PDZD8: variants seen among roughly 807,000 people sequenced by gnomAD.
PDZD8 encodes PDZ domain containing 8.
Under a neutral mutation model 85.8 loss-of-function variants are expected in PDZD8, and 14 were observed. The ratio of observed to expected loss-of-function variants is 0.16; its 90% CI spans 0.11 to 0.26. The LOEUF is 0.26. Ranked by LOEUF, PDZD8 falls within the 10% of genes least tolerant of loss-of-function variation. The probability of loss-of-function intolerance (pLI) is 1.00; values close to 1 mark genes in which losing one functional copy is unlikely to be tolerated. For synonymous variants in PDZD8, 592 were observed against 568.6 expected, an observed-to-expected ratio of 1.04 and a Z score of -0.59; for missense variants, 1,197 against 1,424.3, an observed-to-expected ratio of 0.84 and a Z score of 2.57.
chr10:117,327,642 G>A (rs1026817026), intron 2 of PDZD8, among the ~76,000 whole-genome samples: 2 of 152,160 alleles, frequency 1.3e-5, no homozygotes, highest in African/African-American at 4.8e-5. Flanking sequence ...AGGCTGTCCT[G>A]ATTCATGAAT....
Position 117,283,764 on chromosome 10 carries a change from G to T in PDZD8, c.2969C>A (p.Pro990His). 2 of 1,614,152 alleles carry T rather than the reference G, an allele frequency of 1.2e-6. No individual in the cohort carries two copies. The highest frequency in any genetic ancestry group is 1.1e-5 in the South Asian group (1 of 91,072). ...TCCTGTGCTGTTTCCCCGTTTAGAA[G>T]GACTGTTTGGACCACAGACCTCCGT... is the stretch of plus-strand genomic sequence containing the variant. ...SDTEVCGPNS[P>H]SKRGNSTGIK... The change falls in exon 5 of 5, where the codon CCT becomes CAT. Residue 990 changes from proline to histidine, a missense_variant. Pro to His is a moderately conservative substitution (Grantham distance 77). Coordinates refer to ENST00000334464, the MANE Select transcript of PDZD8 (RefSeq NM_173791.5).
At chr10:117,369,221 T>C (rs1049495399) in intron 1 of PDZD8, among the ~76,000 whole-genome samples, 1 of 152,074 alleles carries the variant, frequency 6.6e-6, no homozygotes, top group African/African-American at 2.4e-5. Context: ...TGCAGTGGTA[T>C]GATCTCGGCT....
rs1296747049 is a variant in PDZD8 at position 117,280,321 on chromosome 10, A to G, written c.*2947T>C. The G allele has an allele frequency of 2.0e-5, 3 of 152,216 alleles. No individual in the cohort carries two copies. The highest frequency in any genetic ancestry group is 3.8e-4 in the East Asian group (2 of 5,200). 9.4% of individuals were successfully genotyped at this position (152,216 alleles called of 1,614,324 possible). A position where few individuals can be genotyped will look rare whatever the true frequency, so the allele number is the denominator to read the frequency against. On this transcript the variant is annotated 3_prime_UTR_variant, in exon 5 of 5. Transcript: ENST00000334464. ...AGGAAACCCATAAACTTGATAATCC[A>G]TAAGGAAACAATAGTAAAAAAATGT...
chr10:117,342,480 T>C (rs1844633523), intron 1 of PDZD8, among the ~76,000 whole-genome samples: 1 of 151,948 alleles, frequency 6.6e-6, no homozygotes, highest in African/African-American at 2.4e-5. Flanking sequence ...TTAATGTTCC[T>C]TTTTTATTTT....
chr10:117,323,022 C>T (rs1003273992), intron 2 of PDZD8, among the ~76,000 whole-genome samples: 7 of 152,156 alleles, frequency 4.6e-5, no homozygotes, highest in East Asian at 3.9e-4. Flanking sequence ...TCTGACTACA[C>T]CTGACTTTCA....
At chr10:117,363,552 A>T (rs1472079965) in intron 1 of PDZD8, among the ~76,000 whole-genome samples, 1 of 152,188 alleles carries the variant, frequency 6.6e-6, no homozygotes, top group Non-Finnish European at 1.5e-5. Flanking sequence ...ATTTCTAAAA[A>T]GTAGTTAGGT....
At chr10:117,365,708 A>G (rs903058922) in intron 1 of PDZD8, among the ~76,000 whole-genome samples, 5 of 152,206 alleles carry the variant, frequency 3.3e-5, no homozygotes, top group Non-Finnish European at 5.9e-5. Flanking sequence ...CAATTTGGCA[A>G]GAGAGATTTT....
At position 117,374,926 on chromosome 10, in the gene PDZD8, G is replaced by T. The variant is rs914120802; in HGVS notation, c.302C>A (p.Thr101Asn). ...CAACTCCCGGAACAGGAATAGGATGGTGGCGTTGAGGAAGTAGCAAGTCTC... is the reference window on the plus strand; with the variant it reads ...CAACTCCCGGAACAGGAATAGGATGTTGGCGTTGAGGAAGTAGCAAGTCTC... ...TRETCYFLNATILFLFRELRD... is the reference protein window; with the variant it reads ...TRETCYFLNANILFLFRELRD... Residue 101 changes from threonine to asparagine, a missense_variant, in exon 1 of 5, where the codon ACC becomes AAC. Physicochemically the swap from Thr to Asn is moderately conservative, Grantham distance 65 (BLOSUM62 0). Transcript: ENST00000334464. This position sits in a 1 kb window ranked among gnomAD's most constrained non-coding sequence, Gnocchi z 7.8. The T allele has an allele frequency of 6.2e-7, 1 of 1,613,276 alleles. No individual in the cohort carries two copies. Among genetic ancestry groups the T allele is most frequent in the Non-Finnish European group, 8.5e-7 (1 of 1,179,846 alleles).
At chr10:117,309,005 G>A (rs934092096) in intron 3 of PDZD8, among the ~76,000 whole-genome samples, 1 of 152,118 alleles carries the variant, frequency 6.6e-6, no homozygotes, top group Non-Finnish European at 1.5e-5. Flanking sequence ...TTCCTAAAGT[G>A]TGTGTTTATG....
intron 2 of PDZD8, among the ~76,000 whole-genome samples, chr10:117,339,068 C>A (rs1424338049): frequency 7.0e-6 from 1 of 143,328 alleles, no homozygotes; most frequent in African/African-American, 2.6e-5. Context: ...AAAAGGGATT[C>A]TTTGTCTACC....
In PDZD8 at chr10:117,353,393, A is replaced by C. The variant is rs561712202; in HGVS notation, c.873-12291T>G. On this transcript the variant is annotated intron_variant, in intron 1 of 4. Coordinates refer to ENST00000334464, the MANE Select transcript of PDZD8 (RefSeq NM_173791.5). ...TTCCAGTCCTCCAAGAAAGACCCAT[A>C]TTAGTCACAATATTTCAGAAGGAAG... 4.6e-5 allele frequency among the ~76,000 whole-genome samples: 7 copies of C among 152,264 alleles called. No homozygotes were observed. The East Asian group carries it at 1.4e-3, about 29-fold the overall frequency.
chr10:117,322,632 A>G, intron 2 of PDZD8, among the ~76,000 whole-genome samples: 1 of 152,082 alleles, frequency 6.6e-6, no homozygotes, highest in Non-Finnish European at 1.5e-5. Flanking sequence ...TTTCTTGTAC[A>G]CTCAGGTAAG....
intron 2 of PDZD8, among the ~76,000 whole-genome samples, chr10:117,333,063 G>T (rs900827868): frequency 7.7e-6 from 1 of 130,472 alleles, no homozygotes; most frequent in Non-Finnish European, 1.6e-5. Flanking sequence ...AGGTTGTGGT[G>T]AGTGGAGATT....
chr10:117,321,480 A>G (rs1844224366), intron 2 of PDZD8, among the ~76,000 whole-genome samples: 1 of 152,160 alleles, frequency 6.6e-6, no homozygotes, highest in African/African-American at 2.4e-5. Context: ...TTGCAGGAGG[A>G]GTACTAGAGG....
intron 2 of PDZD8, among the ~76,000 whole-genome samples, chr10:117,326,037 G>A (rs1589567624): frequency 6.6e-6 from 1 of 152,256 alleles, no homozygotes. Flanking sequence ...GTCACCTTGT[G>A]AAGAAGGTGC....
rs1844593853 is a variant in PDZD8 at position 117,283,043 on chromosome 10, A to G, written c.*225T>C. On this transcript the variant is annotated 3_prime_UTR_variant, in exon 5 of 5. Coordinates refer to ENST00000334464, the MANE Select transcript of PDZD8 (RefSeq NM_173791.5). ...AATAATTTAGTAAAAATAAATTCCC[A>G]GTATAAACCCAAAAAAGCATAGCTA... 2.2e-6 allele frequency: 1 copy of G among 453,546 alleles called. No homozygotes were observed. Among genetic ancestry groups the G allele is most frequent in the South Asian group, 5.8e-5 (1 of 17,264 alleles). 28.1% of individuals were successfully genotyped at this position (453,546 alleles called of 1,614,324 possible). A position where few individuals can be genotyped will look rare whatever the true frequency, so the allele number is the denominator to read the frequency against.
chr10:117,304,899 C>A (rs1843908465), intron 3 of PDZD8, among the ~76,000 whole-genome samples: 1 of 152,080 alleles, frequency 6.6e-6, no homozygotes, highest in South Asian at 2.1e-4. Context: ...AGCGTGAAAA[C>A]AGACTAATAC....
rs533856884 is a variant in PDZD8 at position 117,317,008 on chromosome 10, A to G, written c.1098+1864T>C. ...GTAAAATCCTAAGGATGCATTAGAC[A>G]TCTTGCAACCATCAGGGCAAAAACT... On this transcript the variant is annotated intron_variant, in intron 3 of 4. Transcript: ENST00000334464. Among the ~76,000 whole-genome samples, 16 of 152,310 alleles carry G rather than the reference A, an allele frequency of 1.1e-4. No individual in the cohort carries two copies. In the South Asian group the frequency reaches 3.1e-3, roughly 30 times the overall value.
At position 117,353,354 on chromosome 10, in the gene PDZD8, A is replaced by T. The variant is rs75874481; in HGVS notation, c.873-12252T>A. The stretch of plus-strand genomic sequence containing the variant: ...CCCAGTGCAGTTTGATGGCTCTCAA[A>T]CTTTCTCGAATTATTCCAGTCCTCC... On this transcript the variant is annotated intron_variant, in intron 1 of 4. Transcript: ENST00000334464. 9.2e-3 allele frequency among the ~76,000 whole-genome samples: 1,408 copies of T among 152,232 alleles called. 25 individuals are homozygous for T. Among genetic ancestry groups the T allele is most frequent in the African/African-American group, 0.032 (1,342 of 41,548 alleles).
Sources: allele counts gnomAD v4.1 joint callset (sites outside exome capture counted in the v4.1 genomes callset), GRCh38; gene constraint gnomAD v4.1.1; non-coding constraint Gnocchi (gnomAD v3.1); transcripts MANE v1.5; gene names NCBI Gene and HGNC (gene_info 2026-07-23, HGNC 2026-07-21).